NAALAD2: variants seen among roughly 807,000 people sequenced by gnomAD.
The protein encoded by NAALAD2 is N-acetylated-alpha-linked acidic dipeptidase 2.
NAALAD2 carries 89 observed loss-of-function variants against 95.6 expected under a neutral mutation model. That is an observed-to-expected ratio of 0.93 (90% CI 0.78 to 1.11). The LOEUF (loss-of-function observed/expected upper bound fraction) is 1.11. Ranked by LOEUF, NAALAD2 falls within the 50% of genes least tolerant of loss-of-function variation. The pLI is 0.00. For missense variants in NAALAD2, 894 were observed against 872.4 expected (o/e 1.02, Z -0.31); for synonymous variants, 264 against 294.4 (o/e 0.90, Z 1.06).
At chr11:90,141,271 G>A (rs563256151) in intron 2 of NAALAD2, among the ~76,000 whole-genome samples, 1 of 152,134 alleles carries the variant, frequency 6.6e-6, no homozygotes, top group African/African-American at 2.4e-5. Flanking sequence ...AAAACTATTG[G>A]TGGAGCTTTG....
chr11:90,177,594 T>G (rs1208887093), intron 15 of NAALAD2, among the ~76,000 whole-genome samples: 1 of 47,606 alleles, frequency 2.1e-5, no homozygotes, highest in African/African-American at 8.2e-5. Context: ...TTGTTTTTTT[T>G]TTTTTTTTTT....
intron 16 of NAALAD2, among the ~76,000 whole-genome samples, chr11:90,180,140 G>T (rs1432701042): frequency 6.6e-6 from 1 of 152,024 alleles, no homozygotes; most frequent in Non-Finnish European, 1.5e-5. Flanking sequence ...CCTCTCACTA[G>T]CCAATCCACT....
rs777243520 is a variant in NAALAD2, at chr11:90,170,165, TC to T, written c.1410+30del. On this transcript the variant is annotated intron_variant, in intron 13 of 18. Transcript: ENST00000534061. ...TATAAGGAAATGTGTCTTCATATGTTCTCTTTTGAATGGATAAATGAATAAC... is the reference window on the plus strand; with the variant it reads ...TATAAGGAAATGTGTCTTCATATGTTTCTTTTGAATGGATAAATGAATAAC... The T allele has an allele frequency of 3.7e-6, 5 of 1,342,856 alleles. No individual in the cohort carries two copies. The Admixed American group carries it at 8.4e-5, about 23-fold the overall frequency. The allele number at this position is 1,342,856 out of a possible 1,614,324, so 83.2% of individuals were successfully genotyped here.
At chr11:90,180,065 T>C (rs1333566909) in intron 16 of NAALAD2, among the ~76,000 whole-genome samples, 1 of 130,982 alleles carries the variant, frequency 7.6e-6, no homozygotes, top group Admixed American at 8.2e-5. Flanking sequence ...AAGGTATAAT[T>C]GATGAATGAA....
intron 2 of NAALAD2, among the ~76,000 whole-genome samples, chr11:90,136,836 A>G (rs11826890): frequency 0.04 from 6,129 of 152,212 alleles, 404 homozygotes; most frequent in African/African-American, 0.14. Context: ...AATGCCTAAG[A>G]TAAGTGAAAA....
intron 6 of NAALAD2, among the ~76,000 whole-genome samples, chr11:90,155,212 CATA>C (rs1051116431): frequency 5.2e-4 from 64 of 123,390 alleles, no homozygotes; most frequent in African/African-American, 1.8e-3. Context: ...ATATTATATA[CATA>C]ATATGTATAT....
intron 2 of NAALAD2, among the ~76,000 whole-genome samples, chr11:90,135,917 T>C (rs1590949771): frequency 2.0e-5 from 3 of 152,136 alleles, no homozygotes; most frequent in Admixed American, 6.5e-5. Flanking sequence ...TTCAACTTCA[T>C]GTAACTTTGG....
At chr11:90,185,173 T>C (rs534914184) in intron 18 of NAALAD2, among the ~76,000 whole-genome samples, 2 of 151,550 alleles carry the variant, frequency 1.3e-5, no homozygotes, top group South Asian at 4.1e-4. Flanking sequence ...ATATTACATT[T>C]ATATACTATA....
intron 2 of NAALAD2, among the ~76,000 whole-genome samples, chr11:90,137,206 A>C (rs1034404731): frequency 1.3e-5 from 2 of 152,140 alleles, no homozygotes; most frequent in African/African-American, 4.8e-5. Flanking sequence ...CAGAAACTAG[A>C]AGGGTAGTGA....
chr11:90,182,496 A>C (rs1174925264), intron 17 of NAALAD2, among the ~76,000 whole-genome samples: 1 of 152,068 alleles, frequency 6.6e-6, no homozygotes, highest in Non-Finnish European at 1.5e-5. Context: ...CCCTCCTTAC[A>C]GGCTTCTGAA....
chr11:90,170,003 G>A (rs1952585952), intron 12 of NAALAD2, 66 bp from the exon 13 acceptor site: 1 of 961,130 alleles, frequency 1.0e-6, no homozygotes. Flanking sequence ...AATAAAGTTA[G>A]AATTAAACAA....
At chr11:90,173,056 T>G (rs1192352977) in intron 13 of NAALAD2, among the ~76,000 whole-genome samples, 2 of 152,196 alleles carry the variant, frequency 1.3e-5, no homozygotes, top group South Asian at 2.1e-4. Context: ...AGATTTAAAA[T>G]AGACCAATTT....
chr11:90,172,246 G>A (rs1251044426), intron 13 of NAALAD2, among the ~76,000 whole-genome samples: 1 of 152,034 alleles, frequency 6.6e-6, no homozygotes, highest in East Asian at 1.9e-4. Flanking sequence ...GCTGCCTCAT[G>A]TTGGTGAGGA....
At position 90,170,112 on chromosome 11, in the gene NAALAD2, A is replaced by T; in HGVS notation, c.1386A>T (p.Gln462His). ...LRVDCTPLLY[Q>H]LVYKLTKEIP... ...TTGACTGTACTCCCCTTCTTTACCAATTAGTGTATAAACTGACAAAAGAGG... is the reference window on the plus strand; with the variant it reads ...TTGACTGTACTCCCCTTCTTTACCATTTAGTGTATAAACTGACAAAAGAGG... Residue 462 changes from glutamine to histidine, a missense_variant, in exon 13 of 19, where the codon CAA becomes CAT. Transcript: ENST00000534061. The T allele has an allele frequency of 6.3e-7, 1 of 1,592,500 alleles. No homozygotes were observed. The highest frequency in any genetic ancestry group is 8.6e-7 in the Non-Finnish European group (1 of 1,160,624).
At chr11:90,152,117 T>C (rs769129501) in intron 5 of NAALAD2, among the ~76,000 whole-genome samples, 181 bp from the exon 6 acceptor site, 9 of 152,188 alleles carry the variant, frequency 5.9e-5, no homozygotes, top group Non-Finnish European at 7.3e-5. Flanking sequence ...CATGGAATAA[T>C]GGAAGTCTGT....
intron 5 of NAALAD2, among the ~76,000 whole-genome samples, chr11:90,151,684 A>C (rs1951890915): frequency 6.6e-6 from 1 of 152,152 alleles, no homozygotes; most frequent in Admixed American, 6.5e-5. Context: ...ACTGTTATCC[A>C]TCTTCTGCTA....
chr11:90,175,196 C>T (rs1434086947), intron 14 of NAALAD2, among the ~76,000 whole-genome samples: 1 of 152,140 alleles, frequency 6.6e-6, no homozygotes, highest in Non-Finnish European at 1.5e-5. Context: ...TCAAATCAGT[C>T]TTGTGAAAGT....
intron 16 of NAALAD2, among the ~76,000 whole-genome samples, chr11:90,179,219 G>T (rs959804346): frequency 1.3e-5 from 2 of 151,906 alleles, no homozygotes; most frequent in African/African-American, 4.8e-5. Context: ...ATTATTCTGG[G>T]GGCACCTATT....
intron 13 of NAALAD2, among the ~76,000 whole-genome samples, chr11:90,171,964 A>G (rs1952652268): frequency 6.6e-6 from 1 of 152,116 alleles, no homozygotes; most frequent in Admixed American, 6.5e-5. Context: ...CCAGGAGTGT[A>G]AGCCATAGAA....
Sources: allele counts gnomAD v4.1 joint callset (sites outside exome capture counted in the v4.1 genomes callset), GRCh38; gene constraint gnomAD v4.1.1; transcripts MANE v1.5; gene names NCBI Gene and HGNC (gene_info 2026-07-23, HGNC 2026-07-21).